The following DISP1 variants were observed in gnomAD, a reference collection of about 807,000 sequenced individuals.
DISP1 encodes the protein dispatched RND transporter family member 1.
A neutral mutation model predicts 37.3 loss-of-function variants in DISP1; 30 were observed. The observed-to-expected ratio is 0.80, with a 90% CI of 0.60 to 1.09. The LOEUF (loss-of-function observed/expected upper bound fraction) is 1.09, where lower values mean the gene tolerates loss of function less well. DISP1 is among the 50% of genes least tolerant of loss of function. DISP1 has a pLI of 0.00. For missense variants in DISP1, 1,598 were observed against 1,879.5 expected (o/e 0.85, Z 2.77); for synonymous variants, 634 against 690.2 (o/e 0.92, Z 1.28).
intron 3 of DISP1, among the ~76,000 whole-genome samples, chr1:222,982,249 A>T (rs950784154): frequency 3.9e-5 from 6 of 152,226 alleles, no homozygotes; most frequent in Non-Finnish European, 8.8e-5. Flanking sequence ...ATATGAAGAA[A>T]ATCTGGCTTT....
chr1:222,867,838 T>C (rs1669285040), intron 1 of DISP1, among the ~76,000 whole-genome samples: 1 of 152,212 alleles, frequency 6.6e-6, no homozygotes. Context: ...ATTTAGGGCT[T>C]TGAGGGGCAG....
chr1:222,888,024 T>C (rs1425215996), intron 1 of DISP1, among the ~76,000 whole-genome samples: 1 of 152,214 alleles, frequency 6.6e-6, no homozygotes, highest in African/African-American at 2.4e-5. Context: ...AAATGTTGAC[T>C]GTAGAAGTTT....
At chr1:222,898,445 CTGCCAAAAATTTTT>C (rs1367632568) in intron 1 of DISP1, among the ~76,000 whole-genome samples, 1 of 151,812 alleles carries the variant, frequency 6.6e-6, no homozygotes, top group East Asian at 1.9e-4. Context: ...GAAACTCTTC[CTGCCAAAAATTTTT>C]TGAAGTGTTC....
At chr1:222,880,652 A>C (rs573428852) in intron 1 of DISP1, among the ~76,000 whole-genome samples, 1 of 152,226 alleles carries the variant, frequency 6.6e-6, no homozygotes, top group Admixed American at 6.5e-5. Flanking sequence ...AAGAGTGGGC[A>C]ACATTTTCCT....
intron 1 of DISP1, among the ~76,000 whole-genome samples, chr1:222,822,628 T>C (rs1663217883): frequency 6.6e-6 from 1 of 152,238 alleles, no homozygotes; most frequent in African/African-American, 2.4e-5. Context: ...CAGCTTCATA[T>C]ATCCAGGCCT....
intron 1 of DISP1, among the ~76,000 whole-genome samples, chr1:222,909,434 A>T (rs898773217): frequency 6.6e-6 from 1 of 152,206 alleles, no homozygotes; most frequent in African/African-American, 2.4e-5. Context: ...TTGTTTATGA[A>T]TGTGTTATTT....
chr1:222,870,628 G>T (rs1356903240), intron 1 of DISP1, among the ~76,000 whole-genome samples: 8 of 151,858 alleles, frequency 5.3e-5, no homozygotes, highest in Middle Eastern at 3.4e-3. Context: ...CCCACTTTTT[G>T]ATGGGGTTGT....
chr1:222,873,595 A>G (rs1282408799), intron 1 of DISP1, among the ~76,000 whole-genome samples: 1 of 152,076 alleles, frequency 6.6e-6, no homozygotes, highest in East Asian at 1.9e-4. Flanking sequence ...TAGGATTGCA[A>G]CCCCTGCCTT....
intron 3 of DISP1, chr1:222,979,980 A>G (rs1199889348): frequency 6.4e-6 from 1 of 155,292 alleles, no homozygotes; most frequent in African/African-American, 2.4e-5. Flanking sequence ...AGCCTTAGGA[A>G]AAAAAGGTTA....
chr1:222,901,676 C>T (rs1390526149), intron 1 of DISP1, among the ~76,000 whole-genome samples: 1 of 152,068 alleles, frequency 6.6e-6, no homozygotes, highest in Non-Finnish European at 1.5e-5. Context: ...TGCAGGCATC[C>T]ACCACAATAC....
intron 1 of DISP1, among the ~76,000 whole-genome samples, chr1:222,883,938 G>A (rs1411990994): frequency 6.6e-6 from 1 of 152,052 alleles, no homozygotes; most frequent in Non-Finnish European, 1.5e-5. Flanking sequence ...TGTAAGGAAA[G>A]CTACTGAACT....
At chr1:222,815,145 C>G (rs774204907) in intron 1 of DISP1, 67 bp downstream of exon 1, 1 of 152,444 alleles carries the variant, frequency 6.6e-6, no homozygotes, top group Non-Finnish European at 1.5e-5. Context: ...CGCGCCGCCG[C>G]CCGGCGCCGC....
At chr1:222,946,489 G>A (rs549708812) in intron 3 of DISP1, among the ~76,000 whole-genome samples, 10 of 151,648 alleles carry the variant, frequency 6.6e-5, no homozygotes, top group Admixed American at 5.3e-4. Flanking sequence ...GTCCATTTGT[G>A]TATGTTACAT....
At chr1:222,944,720 A>T (rs899411065) in intron 3 of DISP1, among the ~76,000 whole-genome samples, 23 of 152,212 alleles carry the variant, frequency 1.5e-4, no homozygotes, top group African/African-American at 5.5e-4. Flanking sequence ...AGAACTTCAG[A>T]TAAGTGGAAT....
intron 2 of DISP1, among the ~76,000 whole-genome samples, chr1:222,936,831 A>AT (rs1275226318): frequency 4.3e-5 from 1 of 23,114 alleles, no homozygotes; most frequent in Non-Finnish European, 8.7e-5. Flanking sequence ...AATATATATA[A>AT]ATTATATATA....
chr1:222,956,797 T>C (rs566767449), intron 3 of DISP1, among the ~76,000 whole-genome samples: 1 of 152,244 alleles, frequency 6.6e-6, no homozygotes, highest in South Asian at 2.1e-4. Flanking sequence ...CTGGCTTTCT[T>C]AAGGGCTTTT....
At chr1:222,997,238 A>G (rs1052260918) in intron 8 of DISP1, among the ~76,000 whole-genome samples, 1 of 152,168 alleles carries the variant, frequency 6.6e-6, no homozygotes, top group South Asian at 2.1e-4. Context: ...GATTTATACT[A>G]ATGCACACCC....
At chr1:222,896,149 A>G (rs977352388) in intron 1 of DISP1, among the ~76,000 whole-genome samples, 2 of 152,008 alleles carry the variant, frequency 1.3e-5, no homozygotes, top group Non-Finnish European at 2.9e-5. Flanking sequence ...CGTCTCTACA[A>G]ATGAAAAAAA....
chr1:222,966,176 A>G (rs1322328034), intron 3 of DISP1, among the ~76,000 whole-genome samples: 2 of 152,224 alleles, frequency 1.3e-5, no homozygotes, highest in Non-Finnish European at 2.9e-5. Flanking sequence ...CACTTAAGTA[A>G]GTATACCCAC....
Sources: allele counts gnomAD v4.1 joint callset (sites outside exome capture counted in the v4.1 genomes callset), GRCh38; gene constraint gnomAD v4.1.1; transcripts MANE v1.5; gene names NCBI Gene and HGNC (gene_info 2026-07-23, HGNC 2026-07-21).